LAMA2: variants seen among roughly 807,000 people sequenced by gnomAD.
LAMA2 encodes the protein laminin subunit alpha-2.
LAMA2 carries 269 observed loss-of-function variants against 364.8 expected under a neutral mutation model. That is an observed-to-expected ratio of 0.74 (90% CI 0.67 to 0.82). The LOEUF (loss-of-function observed/expected upper bound fraction) is 0.82, where lower values mean the gene tolerates loss of function less well. LAMA2 is among the 40% of genes least tolerant of loss of function. The pLI is 0.00. For synonymous variants in LAMA2, 1,379 were observed against 1,370.6 expected (o/e 1.01, Z -0.14); for missense variants, 3,807 against 3,873.2 (o/e 0.98, Z 0.45).
chr6:129,378,664 C>G (rs576875570), intron 34 of LAMA2, among the ~76,000 whole-genome samples: 6 of 152,250 alleles, frequency 3.9e-5, no homozygotes, highest in Admixed American at 6.5e-5. Context: ...TTTTACTACT[C>G]TTTCTGGATG....
intron 10 of LAMA2, among the ~76,000 whole-genome samples, chr6:129,185,206 T>C (rs1318565764): frequency 1.3e-5 from 2 of 151,928 alleles, no homozygotes; most frequent in African/African-American, 2.4e-5. Context: ...CAGTTCAATA[T>C]GTACTGCTGA....
At chr6:128,993,764 C>G (rs568862649) in intron 1 of LAMA2, among the ~76,000 whole-genome samples, 1 of 152,200 alleles carries the variant, frequency 6.6e-6, no homozygotes, top group African/African-American at 2.4e-5. Flanking sequence ...AAGAAGGGAA[C>G]AGTCTGTTAG....
intron 1 of LAMA2, among the ~76,000 whole-genome samples, chr6:128,970,917 C>A (rs961777955): frequency 1.3e-5 from 2 of 152,072 alleles, no homozygotes; most frequent in Admixed American, 6.6e-5. Flanking sequence ...TCTCTTAAAG[C>A]GGAATTTATT....
At chr6:129,231,039 G>T (rs947645412) in intron 12 of LAMA2, among the ~76,000 whole-genome samples, 7 of 152,064 alleles carry the variant, frequency 4.6e-5, no homozygotes, top group African/African-American at 1.7e-4. Context: ...AATATCAGTA[G>T]CACTTTGCCA....
intron 17 of LAMA2, among the ~76,000 whole-genome samples, chr6:129,276,625 T>A (rs1788345614): frequency 6.6e-6 from 1 of 152,172 alleles, no homozygotes; most frequent in Non-Finnish European, 1.5e-5. Context: ...ATTGTTTTGC[T>A]TTTGGCTTCT....
chr6:129,023,831 A>C (rs1045129478), intron 1 of LAMA2, among the ~76,000 whole-genome samples: 4 of 152,170 alleles, frequency 2.6e-5, no homozygotes, highest in African/African-American at 9.7e-5. Context: ...TGCATTATAT[A>C]TCTGATTTTA....
At chr6:129,350,351 A>G (rs543040030) in intron 31 of LAMA2, among the ~76,000 whole-genome samples, 22 of 152,304 alleles carry the variant, frequency 1.4e-4, no homozygotes, top group Middle Eastern at 3.4e-3. Flanking sequence ...CTTTACACTA[A>G]TATTGTGACA....
chr6:129,280,823 A>C (rs1269175877), intron 18 of LAMA2, among the ~76,000 whole-genome samples: 2 of 152,288 alleles, frequency 1.3e-5, no homozygotes, highest in African/African-American at 2.4e-5. Context: ...ATTGCCAAAA[A>C]CAAAAACCTC....
intron 12 of LAMA2, among the ~76,000 whole-genome samples, chr6:129,235,285 T>A (rs1784913306): frequency 6.6e-6 from 1 of 152,188 alleles, no homozygotes; most frequent in Non-Finnish European, 1.5e-5. Context: ...ATTTTGCTTT[T>A]ACCAAGCCTT....
At chr6:129,068,864 AT>A (rs769078268) in intron 3 of LAMA2, among the ~76,000 whole-genome samples, 209 of 152,178 alleles carry the variant, frequency 1.4e-3, no homozygotes, top group Non-Finnish European at 2.2e-3. Flanking sequence ...TTGACATTGT[AT>A]TTTTTCCTCA....
chr6:129,005,710 ATGTGTGTG>A (rs747533056), intron 1 of LAMA2, among the ~76,000 whole-genome samples: 2 of 148,534 alleles, frequency 1.3e-5, no homozygotes, highest in African/African-American at 4.9e-5. Flanking sequence ...TGGGGGAAAA[ATGTGTGTG>A]TGTGTGTGTA....
At chr6:129,444,488 T>C (rs955188007) in intron 44 of LAMA2, among the ~76,000 whole-genome samples, 3 of 152,190 alleles carry the variant, frequency 2.0e-5, no homozygotes, top group Non-Finnish European at 2.9e-5. Context: ...AACATTTCTA[T>C]CCAGATAACA....
At chr6:129,493,034 A>T (rs1209498773) in intron 58 of LAMA2, among the ~76,000 whole-genome samples, 1 of 152,184 alleles carries the variant, frequency 6.6e-6, no homozygotes, top group Non-Finnish European at 1.5e-5. Flanking sequence ...GTGCACCTGT[A>T]GTCCCAGCTA....
chr6:129,048,493 T>TTCC (rs1787723179), intron 1 of LAMA2, among the ~76,000 whole-genome samples: 97 of 51,308 alleles, frequency 1.9e-3, no homozygotes, highest in South Asian at 6.2e-3. Context: ...TCTTTCTTTC[T>TTCC]TTCCTTCCTT....
intron 8 of LAMA2, chr6:129,157,535 A>T: frequency 6.2e-7 from 1 of 1,612,182 alleles, no homozygotes; most frequent in Non-Finnish European, 8.5e-7. Context: ...AGATTTTTAC[A>T]TCTTGGGATT....
At chr6:129,296,965 T>C (rs1348524593) in intron 20 of LAMA2, among the ~76,000 whole-genome samples, 1 of 152,176 alleles carries the variant, frequency 6.6e-6, no homozygotes, top group African/African-American at 2.4e-5. Flanking sequence ...AAAGATGATT[T>C]GTTATAGATA....
At chr6:129,035,650 G>C (rs1292347511) in intron 1 of LAMA2, among the ~76,000 whole-genome samples, 1 of 150,944 alleles carries the variant, frequency 6.6e-6, no homozygotes, top group Non-Finnish European at 1.5e-5. Flanking sequence ...TTGCATTTAA[G>C]TCTTTAATTG....
At chr6:129,100,063 A>G (rs774084090) in intron 4 of LAMA2, among the ~76,000 whole-genome samples, 2 of 152,230 alleles carry the variant, frequency 1.3e-5, no homozygotes, top group Non-Finnish European at 2.9e-5. Flanking sequence ...AAATGATTCA[A>G]TTCAGAAATT....
At chr6:128,926,187 G>A (rs1779081884) in intron 1 of LAMA2, among the ~76,000 whole-genome samples, 1 of 151,790 alleles carries the variant, frequency 6.6e-6, no homozygotes, top group African/African-American at 2.4e-5. Flanking sequence ...TAGAGTGTTG[G>A]CTTTCAAAGG....
Sources: allele counts gnomAD v4.1 joint callset (sites outside exome capture counted in the v4.1 genomes callset), GRCh38; gene constraint gnomAD v4.1.1; transcripts MANE v1.5; gene names NCBI Gene and HGNC (gene_info 2026-07-23, HGNC 2026-07-21).